The following MYH6 variants were observed in gnomAD, a reference collection of about 807,000 sequenced individuals.
MYH6 encodes the protein myosin-6.
MYH6 carries 126 observed loss-of-function variants against 223.2 expected under a neutral mutation model. The observed-to-expected ratio is 0.56, with a 90% confidence interval of 0.49 to 0.65. The LOEUF is 0.65. Ranked by LOEUF, MYH6 falls within the 30% of genes least tolerant of loss-of-function variation. MYH6 has a pLI of 0.00. For missense variants in MYH6, 2,040 were observed against 2,536.4 expected (o/e 0.80, Z 4.20); for synonymous variants, 978 against 1,010.2 (o/e 0.97, Z 0.61).
Position 23,405,643 on chromosome 14 carries a change from G to A in MYH6, c.329C>T (p.Ala110Val), listed in dbSNP as rs149454728. The change falls in exon 4 of 39, where the codon GCG (alanine) becomes GTG (valine). Residue 110 changes from alanine (A) to valine (V), a missense_variant. Coordinates refer to ENST00000405093, the MANE Select transcript of MYH6 (RefSeq NM_002471.4). The surrounding 1 kb of genome is among the most constrained non-coding windows in gnomAD (Gnocchi z 4.7). ...GCCACTCACATATATCATCCAGGCC[G>A]CGTAGCGCTCCTTGAGGTTGAAAAG... ...AVLFNLKERY[A>V]AWMIYTYSGL... 1.5e-5 allele frequency: 25 copies of A among 1,614,186 alleles called. No homozygotes were observed. The highest frequency in any genetic ancestry group is 5.3e-5 in the African/African-American group (4 of 75,054).
chr14:23,396,159 G>T, intron 20 of MYH6, 125 bp downstream of exon 20: 3 of 1,166,492 alleles, frequency 2.6e-6, no homozygotes, highest in Non-Finnish European at 2.5e-6. Flanking sequence ...GAGATTCGAA[G>T]TGGTAAAGTA....
chr14:23,407,225 T>A lies in MYH6; in HGVS notation c.-2A>T, dbSNP rs143563109. 1 of 1,614,220 alleles carries A rather than the reference T, an allele frequency of 6.2e-7. No individual in the cohort carries two copies. Among genetic ancestry groups the A allele is most frequent in the Non-Finnish European group, 8.5e-7 (1 of 1,180,040 alleles). On this transcript the variant is annotated 5_prime_UTR_variant, in exon 3 of 39. In the 5' UTR this introduces an upstream ATG that the reference lacks. Transcript: ENST00000405093. This position sits in a 1 kb window ranked among gnomAD's most constrained non-coding sequence, Gnocchi z 5.6. ...GTCAGCCATCTGGGCATCGGTCATC[T>A]TGGTGCTTCCCCTGGGTCAGAGACA...
intron 15 of MYH6, among the ~76,000 whole-genome samples, chr14:23,398,165 G>T (rs530436987): frequency 1.3e-5 from 2 of 151,962 alleles, no homozygotes; most frequent in African/African-American, 4.8e-5. Context: ...CTACAGGCAG[G>T]TGCCACCACG....
At position 23,390,412 on chromosome 14, in the gene MYH6, G is replaced by T; in HGVS notation, c.3377C>A (p.Ala1126Asp). ...RIEELEEELE[A>D]ERTARAKVEK... ...CACCTTAGCCCTGGCGGTGCGCTCG[G>T]CCTCCAGCTCCTCCTCCAGCTCCTC... is the stretch of plus-strand genomic sequence containing the variant. The change falls in exon 26 of 39, where the codon GCC (alanine) becomes GAC (aspartate). Residue 1126 changes from alanine to aspartate, a missense_variant. This residue lies in a region of MYH6 where 1,203 missense variants were observed against 1,400.2 expected (regional missense o/e 0.86). Coordinates refer to ENST00000405093, the MANE Select transcript of MYH6 (RefSeq NM_002471.4). The T allele has an allele frequency of 1.9e-6, 3 of 1,611,692 alleles. No homozygotes were observed. Among genetic ancestry groups the T allele is most frequent in the Non-Finnish European group, 2.5e-6 (3 of 1,179,704 alleles).
Position 23,403,461 on chromosome 14 carries a change from G to C in MYH6, c.800-15C>G, listed in dbSNP as rs1003284412. 2 of 1,605,236 alleles carry C rather than the reference G, an allele frequency of 1.2e-6. No individual in the cohort carries two copies. The highest frequency in any genetic ancestry group is 3.3e-5 in the Admixed American group (2 of 60,008). On this transcript the variant is annotated splice_polypyrimidine_tract_variant and intron_variant, in intron 9 of 38. Transcript: ENST00000405093. The stretch of plus-strand genomic sequence containing the variant: ...CTCCAGCAGGTCTGAGGTGGGTGGA[G>C]GGGAGGAAGGCAGGTGAGGAAGGAA...
At position 23,388,535 on chromosome 14, in the gene MYH6, A is replaced by G. The variant is rs74039312; in HGVS notation, c.4176-197T>C. On this transcript the variant is annotated intron_variant, in intron 29 of 38. Transcript: ENST00000405093. ...AGGCGTCCTCCCTACCTGCAGTGGC[A>G]TCTGGGTGTCAGTGCCCCCTGCCCT... 3.9e-3 allele frequency: 3,674 copies of G among 940,058 alleles called. 107 individuals carry two copies. In the African/African-American group the frequency reaches 0.054, roughly 14 times the overall value. 58.2% of individuals were successfully genotyped at this position (940,058 alleles called of 1,614,324 possible).
At chr14:23,404,623 C>T (rs1891719594) in intron 7 of MYH6, 88 bp downstream of exon 7, 5 of 1,331,604 alleles carry the variant, frequency 3.8e-6, no homozygotes, top group Non-Finnish European at 1.1e-6. Context: ...CTGTCCCCAC[C>T]ACGTCACAGG....
chr14:23,396,166 A>C, intron 20 of MYH6, 118 bp downstream of exon 20: 1 of 1,322,230 alleles, frequency 7.6e-7, no homozygotes, highest in Non-Finnish European at 1.1e-6. Flanking sequence ...GAAGTGGTAA[A>C]GTAACTTGCC....
chr14:23,381,993 A>G lies in MYH6; in HGVS notation c.*47T>C. The G allele has an allele frequency of 2.5e-6, 4 of 1,613,998 alleles. No homozygotes were observed. The highest frequency in any genetic ancestry group is 3.4e-6 in the Non-Finnish European group (4 of 1,179,980). ...CAGATGGGCTCAGGCAGAGTTTGGC[A>G]CTCATATTTATTACAGGTTGGCAAG... On this transcript the variant is annotated 3_prime_UTR_variant, in exon 39 of 39. Transcript: ENST00000405093.
At chr14:23,397,473 G>T in intron 16 of MYH6, 70 bp downstream of exon 16, 1 of 1,534,578 alleles carries the variant, frequency 6.5e-7, no homozygotes, top group Non-Finnish European at 9.0e-7. Context: ...ATCAGAATAG[G>T]TGGTGCAGCC....
intron 13 of MYH6, 89 bp from the exon 14 acceptor site, chr14:23,400,515 G>A (rs1439183798): frequency 6.2e-7 from 1 of 1,604,776 alleles, no homozygotes; most frequent in Non-Finnish European, 8.5e-7. Flanking sequence ...GAGCCCAGCA[G>A]GGTATGGCTG....
intron 12 of MYH6, 108 bp downstream of exon 12, chr14:23,402,356 A>G: frequency 1.3e-6 from 2 of 1,548,606 alleles, no homozygotes; most frequent in East Asian, 4.5e-5. Context: ...ACCATCCCAC[A>G]ACACACCCCA....
chr14:23,398,774 G>A lies in MYH6; in HGVS notation c.1845C>T (p.Leu615=), dbSNP rs1891507151. The A allele has an allele frequency of 6.2e-7, 1 of 1,614,110 alleles. No individual in the cohort carries two copies. The highest frequency in any genetic ancestry group is 1.1e-5 in the South Asian group (1 of 91,084). Residue 615 remains leucine, a synonymous_variant, in exon 15 of 39, where the codon CTC becomes CTT. Coordinates refer to ENST00000405093, the MANE Select transcript of MYH6 (RefSeq NM_002471.4). ...AGGAGAAGAGAGTGGCCATGAGCTT[G>A]AGGGAGGACTTCTGGTACAGGGCCA... is the stretch of plus-strand genomic sequence containing the variant. ...TVVALYQKSS[L]KLMATLFSSY...
chr14:23,404,729 G>A lies in MYH6; in HGVS notation c.624C>T (p.Asp208=). ...ATGGCACCTTGTTCGCATTGGCATTGTCCTTCTTGCCACGGTCACCTATGG... is the reference window on the plus strand; with the variant it reads ...ATGGCACCTTGTTCGCATTGGCATTATCCTTCTTGCCACGGTCACCTATGG... The part of the protein sequence containing the change: ...IAAIGDRGKK[D]NANANKGTLE... The change falls in exon 7 of 39, where the codon GAC becomes GAT. Residue 208 remains aspartate, a synonymous_variant. Transcript: ENST00000405093. The A allele has an allele frequency of 6.2e-7, 1 of 1,614,102 alleles. No individual in the cohort carries two copies.
At chr14:23,403,973 G>A (rs985535404) in intron 8 of MYH6, among the ~76,000 whole-genome samples, 195 bp from the exon 9 acceptor site, 1 of 152,116 alleles carries the variant, frequency 6.6e-6, no homozygotes, top group African/African-American at 2.4e-5. Context: ...GTGGAACCTC[G>A]GCCCAGAGGG....
intron 30 of MYH6, 31 bp from the exon 31 acceptor site, chr14:23,387,954 C>T (rs752254956): frequency 1.2e-6 from 2 of 1,611,930 alleles, no homozygotes; most frequent in East Asian, 2.2e-5. Flanking sequence ...CTCTTCAGCC[C>T]CCCAGCCTTA....
At chr14:23,396,114 A>AAAG (rs34644851) in intron 20 of MYH6, among the ~76,000 whole-genome samples, 170 bp downstream of exon 20, 7,776 of 144,690 alleles carry the variant, frequency 0.054, 456 homozygotes, top group African/African-American at 0.15. Context: ...AAAAAAAAAA[A>AAAG]AAGAAGAAGA....
chr14:23,401,480 C>G (rs773623259), intron 12 of MYH6, among the ~76,000 whole-genome samples: 2 of 152,262 alleles, frequency 1.3e-5, no homozygotes, highest in Non-Finnish European at 2.9e-5. Flanking sequence ...GAGCACAGCC[C>G]CCTTATCCGG....
rs905038658 is a variant in MYH6, at chr14:23,384,684, G to T, written c.5323C>A (p.Gln1775Lys). 1 of 1,614,224 alleles carries T rather than the reference G, an allele frequency of 6.2e-7. No individual in the cohort carries two copies. The highest frequency in any genetic ancestry group is 8.5e-7 in the Non-Finnish European group (1 of 1,180,030). ...AMMAEELKKE[Q>K]DTSAHLERMK... is the part of the protein sequence containing the mutation. ...CGCTCCAGGTGGGCGCTGGTGTCCT[G>T]CTCCTTCTTCAGCTCCTCTGCCATC... is the stretch of plus-strand genomic sequence containing the variant. The change falls in exon 36 of 39, where the codon CAG becomes AAG. Residue 1775 changes from glutamine (Q) to lysine (K), a missense_variant. Coordinates refer to ENST00000405093, the MANE Select transcript of MYH6 (RefSeq NM_002471.4).
Sources: allele counts gnomAD v4.1 joint callset (sites outside exome capture counted in the v4.1 genomes callset), GRCh38; gene constraint gnomAD v4.1.1; regional missense constraint gnomAD v4.1.1; non-coding constraint Gnocchi (gnomAD v3.1); transcripts MANE v1.5; gene names NCBI Gene and HGNC (gene_info 2026-07-23, HGNC 2026-07-21).